The following GKAP1 variants were observed in gnomAD, a reference collection of about 807,000 sequenced individuals.
GKAP1 encodes the protein G kinase anchoring protein 1.
A neutral mutation model predicts 56.7 loss-of-function variants in GKAP1; 31 were observed. The ratio of observed to expected loss-of-function variants is 0.55; its 90% confidence interval spans 0.41 to 0.74. GKAP1 has a LOEUF of 0.74. GKAP1 is among the 30% of genes least tolerant of loss of function. The pLI is 0.00. For synonymous variants in GKAP1, 151 were observed against 138.6 expected (o/e 1.09, Z -0.63); for missense variants, 364 against 402.3 (o/e 0.90, Z 0.82).
At chr9:83,768,023 T>A (rs980171056) in intron 8 of GKAP1, among the ~76,000 whole-genome samples, 14 of 152,292 alleles carry the variant, frequency 9.2e-5, no homozygotes, top group African/African-American at 3.1e-4. Context: ...AAAATATGAA[T>A]GCCATTCTTA....
At chr9:83,762,307 T>C (rs1227841625) in intron 8 of GKAP1, among the ~76,000 whole-genome samples, 1 of 151,766 alleles carries the variant, frequency 6.6e-6, no homozygotes, top group African/African-American at 2.4e-5. Context: ...TTTACTCCCA[T>C]TTACAATAGC....
chr9:83,744,287 A>G (rs1943254635), intron 10 of GKAP1, among the ~76,000 whole-genome samples: 1 of 152,228 alleles, frequency 6.6e-6, no homozygotes, highest in African/African-American at 2.4e-5. Flanking sequence ...ATTAGGTAAC[A>G]ACTTGAACAT....
intron 7 of GKAP1, among the ~76,000 whole-genome samples, chr9:83,774,813 G>A (rs1286338175): frequency 1.1e-4 from 16 of 145,300 alleles, no homozygotes; most frequent in Admixed American, 6.4e-4. Context: ...GGGTTCAGGC[G>A]ATTCTCCTGC....
At chr9:83,742,077 A>G in intron 11 of GKAP1, 48 bp from the exon 12 acceptor site, 1 of 1,157,644 alleles carries the variant, frequency 8.6e-7, no homozygotes. Context: ...GGTTTTTGGC[A>G]AATACTCAAT....
chr9:83,793,977 GGCAA>G (rs1366089130), intron 4 of GKAP1, among the ~76,000 whole-genome samples: 1 of 151,986 alleles, frequency 6.6e-6, no homozygotes, highest in African/African-American at 2.4e-5. Context: ...GACCAGCCTG[GGCAA>G]CATGGCAAAA....
chr9:83,785,253 T>C (rs190122895), intron 5 of GKAP1, among the ~76,000 whole-genome samples: 14 of 152,316 alleles, frequency 9.2e-5, no homozygotes, highest in Non-Finnish European at 2.1e-4. Flanking sequence ...GTTTTCTTAA[T>C]ACATTTCTGA....
intron 8 of GKAP1, among the ~76,000 whole-genome samples, chr9:83,759,484 T>C (rs1295386630): frequency 1.3e-5 from 2 of 152,142 alleles, no homozygotes; most frequent in Non-Finnish European, 2.9e-5. Context: ...GTCATCAAAT[T>C]ATTATTTGGT....
At chr9:83,804,639 C>T (rs1445473247) in intron 3 of GKAP1, among the ~76,000 whole-genome samples, 4 of 141,438 alleles carry the variant, frequency 2.8e-5, no homozygotes, top group African/African-American at 5.3e-5. Flanking sequence ...GTCAGCCCCC[C>T]GCCTGGCCAG....
chr9:83,794,313 C>T (rs1002855823), intron 4 of GKAP1, among the ~76,000 whole-genome samples: 20 of 152,096 alleles, frequency 1.3e-4, no homozygotes, highest in African/African-American at 4.8e-4. Flanking sequence ...TAATGCTTTC[C>T]AGCATAAAAG....
At chr9:83,771,196 G>A (rs1394743318) in intron 7 of GKAP1, among the ~76,000 whole-genome samples, 2 of 151,916 alleles carry the variant, frequency 1.3e-5, no homozygotes, top group South Asian at 2.1e-4. Context: ...CCAAATAGCT[G>A]GGATTACAGG....
chr9:83,812,385 A>C (rs9410590), intron 2 of GKAP1, among the ~76,000 whole-genome samples: 1 of 148,460 alleles, frequency 6.7e-6, no homozygotes, highest in Non-Finnish European at 1.5e-5. Context: ...GGTCTTACTC[A>C]CACACCAAGG....
At chr9:83,814,239 C>T (rs2131333118) in intron 2 of GKAP1, among the ~76,000 whole-genome samples, 1 of 152,314 alleles carries the variant, frequency 6.6e-6, no homozygotes, top group East Asian at 1.9e-4. Context: ...TCTCTAGCAA[C>T]CCTCTTTCTT....
intron 5 of GKAP1, among the ~76,000 whole-genome samples, chr9:83,788,244 C>G (rs571846741): frequency 1.3e-5 from 2 of 152,256 alleles, no homozygotes; most frequent in Admixed American, 6.5e-5. Flanking sequence ...TGCCACTGCA[C>G]TCCAGCCTGG....
intron 3 of GKAP1, among the ~76,000 whole-genome samples, chr9:83,804,375 C>T (rs1157251151): frequency 1.4e-4 from 19 of 139,454 alleles, no homozygotes; most frequent in African/African-American, 4.6e-4. Context: ...CCCGGCCAGC[C>T]GCCCCGTCCG....
At position 83,770,906 on chromosome 9, in the gene GKAP1, T is replaced by C. The variant is rs1033043641; in HGVS notation, c.586-1936A>G. ...TTTTTATATAAATTCCACATGCCAA[T>C]AGAAGATTTTTAAAAGATAAGATTT... On this transcript the variant is annotated intron_variant, in intron 7 of 12. Transcript: ENST00000376371. Among the ~76,000 whole-genome samples, 3 of 152,140 alleles carry C rather than the reference T, an allele frequency of 2.0e-5. No homozygotes were observed. In the South Asian group the frequency reaches 6.2e-4, roughly 31 times the overall value.
chr9:83,793,328 G>A (rs1944193550), intron 4 of GKAP1, among the ~76,000 whole-genome samples: 1 of 152,164 alleles, frequency 6.6e-6, no homozygotes, highest in African/African-American at 2.4e-5. Context: ...AATAGCAGTG[G>A]TGCATAGTGG....
chr9:83,745,489 G>A (rs954047882), intron 10 of GKAP1, among the ~76,000 whole-genome samples: 4 of 152,178 alleles, frequency 2.6e-5, no homozygotes, highest in Non-Finnish European at 5.9e-5. Context: ...TATGGACACT[G>A]TTGTTACTGA....
intron 7 of GKAP1, among the ~76,000 whole-genome samples, chr9:83,770,234 C>T (rs1587708455): frequency 6.6e-6 from 1 of 152,256 alleles, no homozygotes; most frequent in Non-Finnish European, 1.5e-5. Context: ...GAAACCATTG[C>T]TTAACTCAAA....
intron 5 of GKAP1, among the ~76,000 whole-genome samples, chr9:83,785,360 CT>C (rs1944046731): frequency 1.3e-5 from 2 of 152,094 alleles, no homozygotes; most frequent in South Asian, 4.2e-4. Flanking sequence ...TTTTTTAATG[CT>C]TTATACCCAC....
Sources: allele counts gnomAD v4.1 joint callset (sites outside exome capture counted in the v4.1 genomes callset), GRCh38; gene constraint gnomAD v4.1.1; transcripts MANE v1.5; gene names NCBI Gene and HGNC (gene_info 2026-07-23, HGNC 2026-07-21).